Variants in PTPRN2 observed in about 807,000 individuals in gnomAD.
PTPRN2 encodes protein tyrosine phosphatase receptor type N2.
Under a neutral mutation model 118.8 loss-of-function variants are expected in PTPRN2, and 74 were observed. The ratio of observed to expected loss-of-function variants is 0.62; its 90% CI spans 0.52 to 0.76. The LOEUF is 0.76. Among genes scored for constraint, PTPRN2 ranks in the 30% least tolerant of loss-of-function variants. The pLI is 0.00. For synonymous variants in PTPRN2, 641 were observed against 608.0 expected (o/e 1.05, Z -0.80); for missense variants, 1,481 against 1,394.4 (o/e 1.06, Z -0.99).
rs1827482349 is a variant in PTPRN2, at chr7:158,563,073, C to T, written c.112+24485G>A. On this transcript the variant is annotated intron_variant, in intron 1 of 22. Transcript: ENST00000389418. The surrounding 1 kb of genome is among the most constrained non-coding windows in gnomAD (Gnocchi z 5.1). ...TCAGAGAAATCAACCACGGCCACAGCCTCGTCCACATAGAGCCTCTCGAAG... is the reference window on the plus strand; with the variant it reads ...TCAGAGAAATCAACCACGGCCACAGTCTCGTCCACATAGAGCCTCTCGAAG... Among the ~76,000 whole-genome samples the T allele has an allele frequency of 1.3e-5, 2 of 152,146 alleles. No individual in the cohort carries two copies. The highest frequency in any genetic ancestry group is 4.1e-4 in the South Asian group (2 of 4,830).
At chr7:157,721,479 C>T (rs1038556281) in intron 12 of PTPRN2, among the ~76,000 whole-genome samples, 2 of 152,228 alleles carry the variant, frequency 1.3e-5, no homozygotes, top group South Asian at 2.1e-4. Context: ...CTCCACACGT[C>T]GAGAGCTTCG....
rs1483935185 is a variant in PTPRN2 at position 157,921,780 on chromosome 7, C to A, written c.1724-23043G>T. Among the ~76,000 whole-genome samples, 3 of 152,312 alleles carry A rather than the reference C, an allele frequency of 2.0e-5. No homozygotes were observed. The East Asian group carries it at 5.8e-4, about 29-fold the overall frequency. ...CCACAACTGTGAGCTAAATAAACTT[C>A]TTTTCTTATAAACTACCCTGTCTCA... On this transcript the variant is annotated intron_variant, in intron 11 of 22. Transcript: ENST00000389418.
intron 15 of PTPRN2, among the ~76,000 whole-genome samples, chr7:157,614,554 C>G (rs1217768311): frequency 2.0e-5 from 3 of 152,184 alleles, no homozygotes; most frequent in Admixed American, 6.5e-5. Context: ...CAACAGATAA[C>G]AGACCGTGTT....
intron 12 of PTPRN2, among the ~76,000 whole-genome samples, chr7:157,750,209 T>C (rs1332456092): frequency 6.6e-6 from 1 of 152,178 alleles, no homozygotes; most frequent in African/African-American, 2.4e-5. Context: ...TATCATCTTT[T>C]AGAGAATGCT....
At chr7:157,994,857 C>T (rs1585163199) in intron 11 of PTPRN2, among the ~76,000 whole-genome samples, 1 of 14,362 alleles carries the variant, frequency 7.0e-5, no homozygotes, top group Non-Finnish European at 1.4e-4. Context: ...CCCCAGCTTA[C>T]AGCTCCTTGT....
chr7:158,071,780 T>C (rs372424960), intron 11 of PTPRN2, among the ~76,000 whole-genome samples: 774 of 72,684 alleles, frequency 0.011, 16 homozygotes, highest in African/African-American at 0.017. Flanking sequence ...TGGAGGTGCT[T>C]GTGGTGGTGG....
At chr7:158,342,545 CCACACTCTCACCATAA>C (rs1807105467) in intron 2 of PTPRN2, among the ~76,000 whole-genome samples, 2 of 141,146 alleles carry the variant, frequency 1.4e-5, no homozygotes. Flanking sequence ...TCACTCACAC[CCACACTCTCACCATAA>C]GAGCTGACAC....
intron 11 of PTPRN2, among the ~76,000 whole-genome samples, chr7:158,046,533 C>T (rs572301707): frequency 2.6e-5 from 4 of 152,350 alleles, no homozygotes; most frequent in East Asian, 1.9e-4. Context: ...GAGGCAATCC[C>T]GCGATTTCTC....
chr7:157,840,560 C>A (rs529636129), intron 12 of PTPRN2, among the ~76,000 whole-genome samples: 3 of 152,102 alleles, frequency 2.0e-5, no homozygotes, highest in Non-Finnish European at 4.4e-5. Flanking sequence ...GGAGAGGGTA[C>A]GGGACGGGAG....
chr7:157,841,906 G>C (rs74741583), intron 12 of PTPRN2, among the ~76,000 whole-genome samples: 18,951 of 138,942 alleles, frequency 0.14, 1,302 homozygotes, highest in Middle Eastern at 0.19. Flanking sequence ...TACAGTACCC[G>C]GGGACTGTGT....
At chr7:158,057,968 C>A (rs1809927573) in intron 11 of PTPRN2, among the ~76,000 whole-genome samples, 1 of 152,216 alleles carries the variant, frequency 6.6e-6, no homozygotes, top group African/African-American at 2.4e-5. Context: ...TCCCTCCTCA[C>A]AACCCATATA....
intron 6 of PTPRN2, among the ~76,000 whole-genome samples, chr7:158,145,330 A>G (rs561279585): frequency 2.0e-5 from 3 of 151,988 alleles, no homozygotes; most frequent in East Asian, 3.9e-4. Flanking sequence ...TCACGGTGAG[A>G]AGGTTCCAGA....
At chr7:157,938,178 A>G (rs1008670309) in intron 11 of PTPRN2, among the ~76,000 whole-genome samples, 3 of 152,238 alleles carry the variant, frequency 2.0e-5, no homozygotes, top group Non-Finnish European at 4.4e-5. Context: ...GCACGCACAG[A>G]TTACACTTTA....
intron 11 of PTPRN2, among the ~76,000 whole-genome samples, chr7:158,054,010 TAGAGACGCAGAGACTCC>T (rs548099111): frequency 0.1 from 8,499 of 85,106 alleles, 577 homozygotes; most frequent in African/African-American, 0.24. Flanking sequence ...GCAGAGACCC[TAGAGACGCAGAGACTCC>T]AGAGATGCAG....
chr7:157,658,277 G>A (rs944398095), intron 13 of PTPRN2, among the ~76,000 whole-genome samples: 6 of 152,192 alleles, frequency 3.9e-5, no homozygotes, highest in African/African-American at 9.7e-5. Context: ...TCATTCTGAC[G>A]TTTCTTTCTC....
At chr7:158,098,338 A>T (rs1485315716) in intron 10 of PTPRN2, among the ~76,000 whole-genome samples, 1 of 152,236 alleles carries the variant, frequency 6.6e-6, no homozygotes, top group Non-Finnish European at 1.5e-5. Flanking sequence ...GGAGAGGTCC[A>T]GATTCCCGAA....
chr7:157,641,467 G>C (rs1804660847), intron 14 of PTPRN2, among the ~76,000 whole-genome samples: 1 of 152,194 alleles, frequency 6.6e-6, no homozygotes, highest in Non-Finnish European at 1.5e-5. Context: ...TCTGCAGTAT[G>C]TTAGGAGATT....
chr7:158,502,618 C>T (rs920842905), intron 1 of PTPRN2, among the ~76,000 whole-genome samples: 1 of 152,256 alleles, frequency 6.6e-6, no homozygotes, highest in African/African-American at 2.4e-5. Context: ...TCACATCCCC[C>T]AGTTCACACA....
At chr7:158,469,877 A>C (rs781081633) in intron 2 of PTPRN2, among the ~76,000 whole-genome samples, 9 of 151,422 alleles carry the variant, frequency 5.9e-5, no homozygotes, top group Non-Finnish European at 1.2e-4. Flanking sequence ...GTCCTAGTGC[A>C]TCATAAAAGA....
Sources: gnomAD v4.1 joint callset for allele counts (sites outside exome capture counted in the v4.1 genomes callset) on GRCh38, gnomAD v4.1.1 for gene constraint, Gnocchi (gnomAD v3.1) non-coding constraint, MANE v1.5 for transcripts, NCBI Gene and HGNC (gene_info 2026-07-23, HGNC 2026-07-21) for gene names.